Variants in SOX5 observed in about 807,000 individuals in gnomAD.
The protein encoded by SOX5 is transcription factor SOX-5.
A neutral mutation model predicts 92.0 loss-of-function variants in SOX5; 9 were observed. That is an observed-to-expected ratio of 0.10 (90% CI 0.06 to 0.17). The LOEUF (loss-of-function observed/expected upper bound fraction) is 0.17, where lower values mean the gene tolerates loss of function less well. Among genes scored for constraint, SOX5 ranks in the 10% least tolerant of loss-of-function variants. The pLI, the probability that SOX5 is intolerant of heterozygous loss-of-function variation, is 1.00. For synonymous variants in SOX5, 344 were observed against 336.3 expected, an observed-to-expected ratio of 1.02 and a Z score of -0.25; for missense variants, 642 against 944.5, an observed-to-expected ratio of 0.68 and a Z score of 4.20.
chr12:23,562,147 C>A (rs762253064), intron 11 of SOX5, among the ~76,000 whole-genome samples: 2 of 152,148 alleles, frequency 1.3e-5, no homozygotes, highest in Non-Finnish European at 2.9e-5. Context: ...TCTCAGGACA[C>A]CAATGTCATA....
At chr12:23,959,879 T>C (rs1310477407) in intron 4 of SOX5, among the ~76,000 whole-genome samples, 2 of 152,218 alleles carry the variant, frequency 1.3e-5, no homozygotes, top group African/African-American at 2.4e-5. Flanking sequence ...TAAAAACTTA[T>C]AGGAACATTG....
At chr12:23,766,453 A>G (rs911596784) in intron 3 of SOX5, among the ~76,000 whole-genome samples, 1 of 152,170 alleles carries the variant, frequency 6.6e-6, no homozygotes, top group African/African-American at 2.4e-5. Context: ...TTCCAGGGCA[A>G]TCAGAGAGTA....
chr12:23,915,800 A>G (rs192454703), intron 1 of SOX5, among the ~76,000 whole-genome samples: 30 of 152,324 alleles, frequency 2.0e-4, no homozygotes, highest in Non-Finnish European at 3.4e-4. Context: ...AGTCATTGTG[A>G]AAGTTTCATT....
At chr12:24,440,120 G>A (rs1166141072) in intron 1 of SOX5, among the ~76,000 whole-genome samples, 1 of 152,150 alleles carries the variant, frequency 6.6e-6, no homozygotes, top group Non-Finnish European at 1.5e-5. Context: ...AGTAAGATAG[G>A]AGAGGTCTTC....
chr12:24,096,010 A>T (rs1364897353), intron 4 of SOX5, among the ~76,000 whole-genome samples: 1 of 152,076 alleles, frequency 6.6e-6, no homozygotes, highest in Non-Finnish European at 1.5e-5. Context: ...CAAACCTCTT[A>T]CCCTAACGGT....
chr12:24,379,626 A>G (rs1048618169), intron 1 of SOX5, among the ~76,000 whole-genome samples: 1 of 152,158 alleles, frequency 6.6e-6, no homozygotes, highest in African/African-American at 2.4e-5. Flanking sequence ...AGCAAGAAAG[A>G]GTGAAGCCGA....
chr12:24,212,647 C>A (rs1467746260), intron 4 of SOX5, among the ~76,000 whole-genome samples: 1 of 152,186 alleles, frequency 6.6e-6, no homozygotes, highest in Non-Finnish European at 1.5e-5. Context: ...CCATTAGCCA[C>A]AATCATGGCA....
rs150512653 is a variant in SOX5, at chr12:23,847,422, T to C, written c.271-1229A>G. 7.7e-3 allele frequency among the ~76,000 whole-genome samples: 1,174 copies of C among 152,268 alleles called. 28 individuals carry two copies. The highest frequency in any genetic ancestry group is 0.041 in the Admixed American group (625 of 15,284). ...CTGTTGACTTCCAAAAAGTAACAAA[T>C]CACACTGATTGATACTCAATATTTT... is the stretch of plus-strand genomic sequence containing the variant. On this transcript the variant is annotated intron_variant, in intron 2 of 14. Transcript: ENST00000451604.
At chr12:24,194,132 T>A (rs1956784251) in intron 4 of SOX5, among the ~76,000 whole-genome samples, 1 of 152,208 alleles carries the variant, frequency 6.6e-6, no homozygotes, top group African/African-American at 2.4e-5. Context: ...TTAAGTGACA[T>A]CTTTCCCATG....
At chr12:23,675,022 A>G (rs1468513482) in intron 6 of SOX5, among the ~76,000 whole-genome samples, 4 of 152,032 alleles carry the variant, frequency 2.6e-5, no homozygotes, top group Admixed American at 2.6e-4. Context: ...AAAACAGAAA[A>G]ATTTTTTTGA....
intron 3 of SOX5, among the ~76,000 whole-genome samples, chr12:24,224,207 C>T (rs564448182): frequency 5.3e-5 from 8 of 151,730 alleles, no homozygotes; most frequent in African/African-American, 1.5e-4. Context: ...AAGGCTGCTT[C>T]AGTTGTGCCG....
intron 1 of SOX5, among the ~76,000 whole-genome samples, chr12:24,515,965 T>A (rs1033987563): frequency 6.6e-6 from 1 of 152,128 alleles, no homozygotes; most frequent in Admixed American, 6.6e-5. Context: ...CTAAGTATGC[T>A]GAATCTTTAC....
intron 1 of SOX5, among the ~76,000 whole-genome samples, chr12:24,454,758 T>G (rs1942790831): frequency 6.6e-6 from 1 of 152,196 alleles, no homozygotes; most frequent in African/African-American, 2.4e-5. Context: ...CAACTAAATT[T>G]TTATTTGAAT....
intron 8 of SOX5, among the ~76,000 whole-genome samples, chr12:23,624,737 A>G (rs1385391167): frequency 6.6e-6 from 1 of 152,214 alleles, no homozygotes; most frequent in African/African-American, 2.4e-5. Context: ...GAACTGTCCC[A>G]TATCCTGATT....
intron 3 of SOX5, among the ~76,000 whole-genome samples, chr12:23,827,874 G>C (rs1457822635): frequency 1.3e-5 from 2 of 152,170 alleles, no homozygotes. Context: ...TGTCCTGCCA[G>C]AGCAATATTT....
chr12:23,796,252 C>T (rs1268800445), intron 3 of SOX5, among the ~76,000 whole-genome samples: 1 of 151,986 alleles, frequency 6.6e-6, no homozygotes, highest in Non-Finnish European at 1.5e-5. Flanking sequence ...TGCAATGTAA[C>T]ATTGAACAAA....
At chr12:23,676,974 T>A (rs763417895) in intron 6 of SOX5, among the ~76,000 whole-genome samples, 1 of 152,218 alleles carries the variant, frequency 6.6e-6, no homozygotes, top group Non-Finnish European at 1.5e-5. Flanking sequence ...AAATGCTCAT[T>A]ATTTCTTCAC....
intron 2 of SOX5, among the ~76,000 whole-genome samples, chr12:24,293,114 C>A (rs895029415): frequency 6.6e-6 from 1 of 152,136 alleles, no homozygotes; most frequent in African/African-American, 2.4e-5. Context: ...ATCAATATAT[C>A]CCACTCAGTC....
chr12:24,095,420 C>CTTATTTATTTATTTAT (rs146858914), intron 4 of SOX5, among the ~76,000 whole-genome samples: 111 of 140,260 alleles, frequency 7.9e-4, no homozygotes, highest in Middle Eastern at 3.6e-3. Context: ...TGCCCTCTCC[C>CTTATTTATTTATTTAT]TTATTTATTT....
Sources: allele counts gnomAD v4.1 joint callset (sites outside exome capture counted in the v4.1 genomes callset), GRCh38; gene constraint gnomAD v4.1.1; transcripts MANE v1.5; gene names NCBI Gene and HGNC (gene_info 2026-07-23, HGNC 2026-07-21).